NHSL2: variants seen among roughly 807,000 people sequenced by gnomAD.
NHSL2 encodes the protein NHS like 2.
Under a neutral mutation model 53.4 loss-of-function variants are expected in NHSL2, and 27 were observed. That is an observed-to-expected ratio of 0.51 (90% CI 0.37 to 0.70). NHSL2 has a LOEUF of 0.70. NHSL2 is among the 30% of genes least tolerant of loss of function. The probability of loss-of-function intolerance (pLI) is 0.00; values close to 1 mark genes in which losing one functional copy is unlikely to be tolerated. For missense variants in NHSL2, 892 were observed against 980.1 expected (o/e 0.91, Z 1.20); for synonymous variants, 408 against 404.1 (o/e 1.01, Z -0.12).
intron 1 of NHSL2, among the ~76,000 whole-genome samples, chrX:71,982,695 C>T (rs774990695): frequency 8.0e-5 from 9 of 112,354 alleles, no homozygotes; most frequent in Middle Eastern, 4.6e-3. Flanking sequence ...TAGCTGAACA[C>T]GTGAAGATTC....
chrX:72,026,675 G>A (rs1275444520), intron 1 of NHSL2, among the ~76,000 whole-genome samples: 4 of 112,642 alleles, frequency 3.6e-5, no homozygotes, highest in Non-Finnish European at 5.6e-5. Flanking sequence ...TGTACTCACA[G>A]CCTCTTTCTG....
At chrX:71,977,852 T>C (rs1350536206) in intron 1 of NHSL2, among the ~76,000 whole-genome samples, 4 of 111,833 alleles carry the variant, frequency 3.6e-5, no homozygotes, top group South Asian at 3.8e-4. Context: ...CTTAAACAAC[T>C]TTCTAGAAGG....
chrX:72,009,230 G>A (rs926660026), intron 1 of NHSL2, among the ~76,000 whole-genome samples: 3 of 112,909 alleles, frequency 2.7e-5, no homozygotes, highest in Admixed American at 9.3e-5. Flanking sequence ...ACCACCTGAC[G>A]GGAGCTATGG....
At chrX:72,060,862 T>C (rs756581535) in intron 1 of NHSL2, among the ~76,000 whole-genome samples, 11 of 112,887 alleles carry the variant, frequency 9.7e-5, no homozygotes, top group Non-Finnish European at 1.3e-4. Context: ...TGTAAAGGAC[T>C]TCATGTCTTT....
At chrX:71,911,450 CCCTCTCCCCG>C in intron 1 of NHSL2, 83 bp downstream of exon 1, 1 of 850,000 alleles carries the variant, frequency 1.2e-6, no homozygotes, top group Non-Finnish European at 1.5e-6. Context: ...GCTGTGCCCA[CCCTCTCCCCG>C]CCTCTCTCCG....
intron 1 of NHSL2, among the ~76,000 whole-genome samples, chrX:72,020,182 T>G (rs1218064528): frequency 8.9e-6 from 1 of 112,825 alleles, no homozygotes; most frequent in South Asian, 3.6e-4. Flanking sequence ...ATAAAAACTC[T>G]CCGTAATTTC....
At chrX:72,019,175 C>G (rs1052853170) in intron 1 of NHSL2, among the ~76,000 whole-genome samples, 2 of 112,475 alleles carry the variant, frequency 1.8e-5, no homozygotes, top group Non-Finnish European at 3.8e-5. Context: ...ATGGAGGTTA[C>G]GAAGATTGGA....
chrX:71,972,076 C>A (rs759706429), intron 1 of NHSL2, among the ~76,000 whole-genome samples: 3 of 109,909 alleles, frequency 2.7e-5, no homozygotes, highest in Admixed American at 9.7e-5. Context: ...ACTCTTGTTT[C>A]CAGGCTGGAG....
chrX:72,132,075 C>A lies in NHSL2; in HGVS notation c.281-4C>A, dbSNP rs1467076353. 1.7e-6 allele frequency: 2 copies of A among 1,166,774 alleles called. No individual in the cohort carries two copies. The highest frequency in any genetic ancestry group is 6.5e-5 in the East Asian group (2 of 30,642). On this transcript the variant is annotated splice_polypyrimidine_tract_variant and splice_region_variant and intron_variant, in intron 1 of 7. Coordinates refer to ENST00000633930, the MANE Select transcript of NHSL2 (RefSeq NM_001013627.3). ...CGCCTCTCACTGACTCTCTCCTTCCCTAGCTGCAGCTAACTCGGGTCGGGA... is the reference window on the plus strand; with the variant it reads ...CGCCTCTCACTGACTCTCTCCTTCCATAGCTGCAGCTAACTCGGGTCGGGA...
intron 1 of NHSL2, among the ~76,000 whole-genome samples, chrX:71,930,839 G>A (rs892694924): frequency 1.8e-5 from 2 of 111,996 alleles, no homozygotes; most frequent in Non-Finnish European, 3.8e-5. Flanking sequence ...TGGCTATTAT[G>A]AATAATGCTC....
chrX:71,984,826 CT>C (rs140131441), intron 1 of NHSL2, among the ~76,000 whole-genome samples: 36 of 91,249 alleles, frequency 3.9e-4, no homozygotes, highest in African/African-American at 9.6e-4. Context: ...TATTTCTTTC[CT>C]TTTTTTTTTT....
At chrX:72,003,534 G>C (rs964909242) in intron 1 of NHSL2, among the ~76,000 whole-genome samples, 3 of 111,400 alleles carry the variant, frequency 2.7e-5, no homozygotes, top group Non-Finnish European at 5.7e-5. Context: ...ATTCCTACAA[G>C]TATGGCCTTA....
At chrX:71,957,502 G>A (rs995844472) in intron 1 of NHSL2, among the ~76,000 whole-genome samples, 4 of 111,976 alleles carry the variant, frequency 3.6e-5, no homozygotes, top group Non-Finnish European at 5.6e-5. Context: ...TCCTGACCTC[G>A]TGATCCGCCT....
In NHSL2 at chrX:72,138,993, C is replaced by T. The variant is rs762173313; in HGVS notation, c.1445C>T (p.Ser482Leu). The change falls in exon 6 of 8, where the codon TCG becomes TTG. Residue 482 changes from serine (S) to leucine (L), a missense_variant. Ser to Leu is a moderately radical substitution (Grantham distance 145). Transcript: ENST00000633930. ...SKIGLLTSGTSRLETGPGGAS... is the reference protein window; with the variant it reads ...SKIGLLTSGTLRLETGPGGAS... ...ATTGGCCTTCTGACCAGTGGGACCT[C>T]GAGGCTGGAGACAGGCCCCGGTGGG... is the stretch of plus-strand genomic sequence containing the variant. 1.2e-4 allele frequency: 137 copies of T among 1,187,503 alleles called. No individual in the cohort carries two copies. In the South Asian group the frequency reaches 2.4e-3, roughly 21 times the overall value.
Position 72,093,400 on chromosome X carries a change from C to T in NHSL2, c.281-38679C>T, listed in dbSNP as rs187229570. On this transcript the variant is annotated intron_variant, in intron 1 of 7. Transcript: ENST00000633930. Reference sequence around the variant, plus strand: ...TGCAGATGTAGAACCTTGGCCAGGTCCCTACATGGCAGTAGTCAGGTTATC... The same window carrying T: ...TGCAGATGTAGAACCTTGGCCAGGTTCCTACATGGCAGTAGTCAGGTTATC... Among the ~76,000 whole-genome samples, 315 of 112,456 alleles carry T rather than the reference C, an allele frequency of 2.8e-3. 1 individual carries two copies. The highest frequency in any genetic ancestry group is 9.5e-3 in the African/African-American group (294 of 30,944).
intron 1 of NHSL2, among the ~76,000 whole-genome samples, chrX:72,067,730 G>A (rs920027638): frequency 3.6e-5 from 4 of 111,730 alleles, no homozygotes; most frequent in East Asian, 2.8e-4. Flanking sequence ...GCCTCAGATC[G>A]ATCCCCTTGG....
intron 1 of NHSL2, among the ~76,000 whole-genome samples, chrX:72,086,621 T>G (rs2041847300): frequency 1.0e-5 from 1 of 99,951 alleles, no homozygotes; most frequent in Non-Finnish European, 2.0e-5. Flanking sequence ...GAGGCAGAGG[T>G]TACAGTGAGC....
At position 72,007,766 on chromosome X, in the gene NHSL2, A is replaced by G. The variant is rs907589150; in HGVS notation, c.280+96399A>G. Among the ~76,000 whole-genome samples the G allele has an allele frequency of 2.6e-5, 3 of 113,446 alleles. No homozygotes were observed. The Admixed American group carries it at 2.8e-4, about 10-fold the overall frequency. ...AGTCTTGGATCCCAGATTCCAATGA[A>G]GGTCATCCTCTCCCCTTGATGAGCG... is the stretch of plus-strand genomic sequence containing the variant. On this transcript the variant is annotated intron_variant, in intron 1 of 7. Coordinates refer to ENST00000633930, the MANE Select transcript of NHSL2 (RefSeq NM_001013627.3).
chrX:72,143,610 C>G lies in NHSL2; in HGVS notation c.*36C>G. On this transcript the variant is annotated 3_prime_UTR_variant, in exon 8 of 8. Transcript: ENST00000633930. Reference sequence around the variant, plus strand: ...CAACAAGCAGGGTTTACTTACTAAACTTGAGTAGAGAAGGGGGAAGAGAAA... The same window carrying G: ...CAACAAGCAGGGTTTACTTACTAAAGTTGAGTAGAGAAGGGGGAAGAGAAA... 1.1e-6 allele frequency: 1 copy of G among 941,893 alleles called. No homozygotes were observed. Among genetic ancestry groups the G allele is most frequent in the African/African-American group, 2.0e-5 (1 of 50,800 alleles). 77.6% of individuals were successfully genotyped at this position (941,893 alleles called of 1,213,427 possible). A position where few individuals can be genotyped will look rare whatever the true frequency, so the allele number is the denominator to read the frequency against.
Sources: gnomAD v4.1 joint callset for allele counts (sites outside exome capture counted in the v4.1 genomes callset) on GRCh38, gnomAD v4.1.1 for gene constraint, MANE v1.5 for transcripts, NCBI Gene and HGNC (gene_info 2026-07-23, HGNC 2026-07-21) for gene names.